The following TMTC2 variants were observed in gnomAD, a reference collection of about 807,000 sequenced individuals.
TMTC2 encodes transmembrane O-mannosyltransferase targeting cadherins 2.
TMTC2 carries 43 observed loss-of-function variants against 82.4 expected under a neutral mutation model. The ratio of observed to expected loss-of-function variants is 0.52; its 90% confidence interval spans 0.41 to 0.67. TMTC2 has a LOEUF of 0.67. Ranked by LOEUF, TMTC2 falls within the 30% of genes least tolerant of loss-of-function variation. TMTC2 has a pLI of 0.00. For synonymous variants in TMTC2, 408 were observed against 381.9 expected, an observed-to-expected ratio of 1.07 and a Z score of -0.80; for missense variants, 919 against 1,012.4, an observed-to-expected ratio of 0.91 and a Z score of 1.25.
At chr12:82,687,767 A>G in intron 1 of TMTC2, 98 bp downstream of exon 1, 1 of 1,205,476 alleles carries the variant, frequency 8.3e-7, no homozygotes, top group Non-Finnish European at 1.2e-6. Flanking sequence ...GTCTTGGAGG[A>G]ACTGGTTCAG....
In TMTC2 at chr12:82,972,713, A is replaced by C. The variant is rs148490576; in HGVS notation, c.1948+5716A>C. Among the ~76,000 whole-genome samples the C allele has an allele frequency of 8.8e-3, 1,339 of 152,284 alleles. 16 individuals carry two copies. Among genetic ancestry groups the C allele is most frequent in the Admixed American group, 0.036 (546 of 15,298 alleles). ...TTTAGGTGAGAAGAACTGACAAATCACCTTCTGAAAACAATGCAAATGTTC... is the reference window on the plus strand; with the variant it reads ...TTTAGGTGAGAAGAACTGACAAATCCCCTTCTGAAAACAATGCAAATGTTC... On this transcript the variant is annotated intron_variant, in intron 7 of 11. Transcript: ENST00000321196.
At chr12:82,906,945 A>T (rs1025841973) in intron 3 of TMTC2, among the ~76,000 whole-genome samples, 1 of 152,214 alleles carries the variant, frequency 6.6e-6, no homozygotes, top group Non-Finnish European at 1.5e-5. Flanking sequence ...TTCTCAGTCC[A>T]TATCTTCTCT....
intron 1 of TMTC2, among the ~76,000 whole-genome samples, chr12:82,704,942 T>C (rs762797547): frequency 3.9e-5 from 6 of 152,160 alleles, no homozygotes; most frequent in Non-Finnish European, 7.4e-5. Context: ...CCAACCCAAA[T>C]ACCCATCAAT....
At chr12:83,017,651 C>T (rs558247608) in intron 8 of TMTC2, among the ~76,000 whole-genome samples, 3 of 152,046 alleles carry the variant, frequency 2.0e-5, no homozygotes, top group South Asian at 2.1e-4. Flanking sequence ...ATTCCTTTAC[C>T]GCATGGTAGA....
At chr12:82,997,200 C>A (rs1270110912) in intron 8 of TMTC2, among the ~76,000 whole-genome samples, 1 of 122,006 alleles carries the variant, frequency 8.2e-6, no homozygotes, top group African/African-American at 3.4e-5. Flanking sequence ...TCTCCCTCCC[C>A]CTCTCCCTCT....
intron 9 of TMTC2, among the ~76,000 whole-genome samples, chr12:83,045,753 C>CACACACACACACACACACA (rs1882096456): frequency 3.9e-5 from 2 of 50,782 alleles, no homozygotes; most frequent in South Asian, 6.4e-4. Flanking sequence ...ACACACACAC[C>CACACACACACACACACACA]AGGAGTGTCT....
At chr12:82,715,247 C>T (rs1873840178) in intron 1 of TMTC2, among the ~76,000 whole-genome samples, 1 of 150,994 alleles carries the variant, frequency 6.6e-6, no homozygotes, top group Non-Finnish European at 1.5e-5. Flanking sequence ...TGCACTCCAG[C>T]CTGGGCGACA....
chr12:82,863,600 T>C lies in TMTC2; in HGVS notation c.654+6020T>C, dbSNP rs115285339. Among the ~76,000 whole-genome samples, 972 of 152,284 alleles carry C rather than the reference T, an allele frequency of 6.4e-3. 11 individuals carry two copies. Among genetic ancestry groups the C allele is most frequent in the African/African-American group, 0.022 (923 of 41,552 alleles). ...CAGGCTGGCTCCCTTGTTCAGCTGATTTAAGGTGATTCTGTATTCCAGTTG... is the reference window on the plus strand; with the variant it reads ...CAGGCTGGCTCCCTTGTTCAGCTGACTTAAGGTGATTCTGTATTCCAGTTG... On this transcript the variant is annotated intron_variant, in intron 2 of 11. Transcript: ENST00000321196.
chr12:83,075,069 CT>C (rs1200451207), intron 11 of TMTC2, among the ~76,000 whole-genome samples: 1 of 152,154 alleles, frequency 6.6e-6, no homozygotes, highest in Non-Finnish European at 1.5e-5. Context: ...TCCTCTACCC[CT>C]GTATTTCACT....
At chr12:82,860,160 G>C (rs1227880611) in intron 2 of TMTC2, among the ~76,000 whole-genome samples, 1 of 142,010 alleles carries the variant, frequency 7.0e-6, no homozygotes, top group Non-Finnish European at 1.5e-5. Context: ...TTTTAGTAGA[G>C]GCCAGGTTTC....
At chr12:83,095,508 G>A (rs1167840510) in intron 11 of TMTC2, among the ~76,000 whole-genome samples, 16 of 152,078 alleles carry the variant, frequency 1.1e-4, no homozygotes. Flanking sequence ...CCAAAGTGCT[G>A]GGATTACAGG....
chr12:83,049,304 GCCCCCTC>G (rs1882258009), intron 9 of TMTC2, among the ~76,000 whole-genome samples: 1 of 151,952 alleles, frequency 6.6e-6, no homozygotes, highest in Non-Finnish European at 1.5e-5. Flanking sequence ...TTTTTGATCT[GCCCCCTC>G]CCAACTTCCA....
At chr12:82,981,351 T>G (rs1291069047) in intron 7 of TMTC2, among the ~76,000 whole-genome samples, 1 of 151,832 alleles carries the variant, frequency 6.6e-6, no homozygotes, top group Non-Finnish European at 1.5e-5. Flanking sequence ...CAACATTCTT[T>G]CCTTAAGGAG....
chr12:82,867,051 T>C (rs1431625472), intron 2 of TMTC2, among the ~76,000 whole-genome samples: 1 of 152,196 alleles, frequency 6.6e-6, no homozygotes, highest in Non-Finnish European at 1.5e-5. Context: ...AAGGGAAGAA[T>C]AGCATCTTCG....
intron 11 of TMTC2, among the ~76,000 whole-genome samples, chr12:83,087,701 T>C (rs1439922426): frequency 1.3e-5 from 2 of 152,224 alleles, no homozygotes; most frequent in East Asian, 3.8e-4. Flanking sequence ...AGGAATCTTT[T>C]TATCTGAGCA....
At chr12:83,042,121 GAATATCTC>G (rs1881917562) in intron 9 of TMTC2, among the ~76,000 whole-genome samples, 1 of 152,184 alleles carries the variant, frequency 6.6e-6, no homozygotes, top group Non-Finnish European at 1.5e-5. Flanking sequence ...ATCTTGAAAT[GAATATCTC>G]AGAAAAGCCC....
chr12:83,104,553 G>T (rs1473619438), intron 11 of TMTC2, among the ~76,000 whole-genome samples: 1 of 152,180 alleles, frequency 6.6e-6, no homozygotes, highest in Admixed American at 6.5e-5. Context: ...CTGTACCTGG[G>T]CCCCTTTGAG....
Position 82,803,406 on chromosome 12 carries a change from G to A in TMTC2, c.84-53604G>A, listed in dbSNP as rs138450068. ...ATCACAAGGCCTCTCTGAAAATGACGGTTGGCTGCCAGCACCAGGGAGAGG... is the reference window on the plus strand; with the variant it reads ...ATCACAAGGCCTCTCTGAAAATGACAGTTGGCTGCCAGCACCAGGGAGAGG... On this transcript the variant is annotated intron_variant, in intron 1 of 11. Transcript: ENST00000321196. Among the ~76,000 whole-genome samples, 33 of 152,194 alleles carry A rather than the reference G, an allele frequency of 2.2e-4. No individual in the cohort carries two copies. The East Asian group carries it at 5.2e-3, about 24-fold the overall frequency.
In TMTC2 at chr12:83,009,824, G is replaced by T. The variant is rs192652981; in HGVS notation, c.2071-20974G>T. ...GGACTGGGTAGAAGATAGGGACTTG[G>T]GAGGGACGATTTTGGGATTAGACTC... On this transcript the variant is annotated intron_variant, in intron 8 of 11. Transcript: ENST00000321196. 3.9e-5 allele frequency among the ~76,000 whole-genome samples: 6 copies of T among 152,230 alleles called. No homozygotes were observed. In the East Asian group the frequency reaches 1.2e-3, roughly 29 times the overall value.
Sources: gnomAD v4.1 joint callset for allele counts (sites outside exome capture counted in the v4.1 genomes callset) on GRCh38, gnomAD v4.1.1 for gene constraint, MANE v1.5 for transcripts, NCBI Gene and HGNC (gene_info 2026-07-23, HGNC 2026-07-21) for gene names.